CFAP299: variants seen among roughly 807,000 people sequenced by gnomAD.
CFAP299 encodes the protein cilia and flagella associated protein 299.
CFAP299 carries 21 observed loss-of-function variants against 27.0 expected under a neutral mutation model. The ratio of observed to expected loss-of-function variants is 0.78; its 90% CI spans 0.55 to 1.12. CFAP299 has a LOEUF of 1.12. CFAP299 is among the 50% of genes most tolerant of loss of function. CFAP299 has a pLI of 0.00. For synonymous variants in CFAP299, 104 were observed against 98.1 expected (o/e 1.06, Z -0.36); for missense variants, 310 against 276.6 (o/e 1.12, Z -0.86).
intron 3 of CFAP299, among the ~76,000 whole-genome samples, chr4:80,620,550 C>G (rs747836631): frequency 1.3e-5 from 2 of 152,106 alleles, no homozygotes; most frequent in African/African-American, 2.4e-5. Context: ...TGAACTTAAA[C>G]TATGTTTCAG....
intron 2 of CFAP299, among the ~76,000 whole-genome samples, chr4:80,402,007 C>T (rs1726187948): frequency 6.6e-6 from 1 of 152,030 alleles, no homozygotes; most frequent in Non-Finnish European, 1.5e-5. Flanking sequence ...TTGCACGGGC[C>T]CTGTAACCCC....
At chr4:80,864,896 C>T (rs1047670168) in intron 3 of CFAP299, among the ~76,000 whole-genome samples, 4 of 151,906 alleles carry the variant, frequency 2.6e-5, no homozygotes, top group Admixed American at 6.6e-5. Flanking sequence ...ATTATTATGC[C>T]CATTTTATTA....
At chr4:80,846,872 G>C (rs536932679) in intron 3 of CFAP299, among the ~76,000 whole-genome samples, 42 of 152,196 alleles carry the variant, frequency 2.8e-4, no homozygotes, top group Non-Finnish European at 5.0e-4. Context: ...GTGCCTATCT[G>C]CCCGCTACTG....
At chr4:80,672,747 C>T (rs1741570327) in intron 3 of CFAP299, among the ~76,000 whole-genome samples, 1 of 151,966 alleles carries the variant, frequency 6.6e-6, no homozygotes, top group African/African-American at 2.4e-5. Flanking sequence ...TGTATGTGTC[C>T]AAGAATTTAT....
chr4:80,592,152 G>A (rs1736821621), intron 3 of CFAP299, among the ~76,000 whole-genome samples: 1 of 152,172 alleles, frequency 6.6e-6, no homozygotes, highest in Admixed American at 6.5e-5. Context: ...TGGGGTGGGT[G>A]CAATAAAAGG....
At chr4:80,795,029 A>G (rs935678206) in intron 3 of CFAP299, among the ~76,000 whole-genome samples, 2 of 152,142 alleles carry the variant, frequency 1.3e-5, no homozygotes, top group East Asian at 1.9e-4. Flanking sequence ...TCATGGGCCC[A>G]TTGGGAGATG....
intron 2 of CFAP299, among the ~76,000 whole-genome samples, chr4:80,536,701 C>A (rs1409839948): frequency 6.6e-6 from 1 of 152,014 alleles, no homozygotes; most frequent in Non-Finnish European, 1.5e-5. Flanking sequence ...CATCATGTAA[C>A]AAAAATCAAC....
At chr4:80,933,166 C>T (rs200090975) in intron 4 of CFAP299, among the ~76,000 whole-genome samples, 1 of 134,560 alleles carries the variant, frequency 7.4e-6, no homozygotes, top group Non-Finnish European at 1.6e-5. Flanking sequence ...CTTTCCTTTC[C>T]TTTCTTTCTT....
intron 2 of CFAP299, among the ~76,000 whole-genome samples, chr4:80,535,002 AG>A (rs1733655035): frequency 6.6e-6 from 1 of 152,202 alleles, no homozygotes; most frequent in African/African-American, 2.4e-5. Flanking sequence ...GAATAATAAA[AG>A]TAATAAAGAT....
intron 2 of CFAP299, among the ~76,000 whole-genome samples, chr4:80,536,399 C>T (rs1733740964): frequency 6.6e-6 from 1 of 152,036 alleles, no homozygotes; most frequent in African/African-American, 2.4e-5. Flanking sequence ...ATATACGTAT[C>T]GTTTGAAAGC....
At chr4:80,926,913 G>A (rs756521171) in intron 4 of CFAP299, among the ~76,000 whole-genome samples, 14 of 151,928 alleles carry the variant, frequency 9.2e-5, no homozygotes, top group Non-Finnish European at 1.6e-4. Context: ...CTAGCTGGTC[G>A]AACAGCTGTA....
At chr4:80,713,155 A>G (rs1037864178) in intron 3 of CFAP299, among the ~76,000 whole-genome samples, 27 of 152,154 alleles carry the variant, frequency 1.8e-4, no homozygotes, top group African/African-American at 5.5e-4. Flanking sequence ...AAAAGTATGT[A>G]GGTGAGAGAT....
intron 3 of CFAP299, among the ~76,000 whole-genome samples, chr4:80,838,397 C>G (rs956212598): frequency 1.3e-5 from 2 of 152,016 alleles, no homozygotes; most frequent in Non-Finnish European, 2.9e-5. Context: ...GGTTTTAGGT[C>G]TTATGTTTAA....
intron 2 of CFAP299, chr4:80,387,527 G>C (rs1725081966): frequency 1.2e-5 from 10 of 861,174 alleles, no homozygotes; most frequent in Middle Eastern, 4.5e-4. Flanking sequence ...CTTGGTAGGG[G>C]CTGGCCCAAC....
intron 3 of CFAP299, among the ~76,000 whole-genome samples, chr4:80,615,803 C>T (rs1360462799): frequency 6.6e-6 from 1 of 152,142 alleles, no homozygotes; most frequent in Non-Finnish European, 1.5e-5. Context: ...CCTCTGCAAG[C>T]CCTTTCAGAG....
At chr4:80,355,443 C>T (rs1169056569) in intron 1 of CFAP299, among the ~76,000 whole-genome samples, 5 of 150,288 alleles carry the variant, frequency 3.3e-5, no homozygotes, top group South Asian at 2.1e-4. Context: ...CTGCAACCTC[C>T]GCCTCCCGGG....
intron 1 of CFAP299, among the ~76,000 whole-genome samples, chr4:80,360,384 A>G (rs906838615): frequency 6.6e-6 from 1 of 152,144 alleles, no homozygotes; most frequent in African/African-American, 2.4e-5. Context: ...GTACACGTCT[A>G]GGTGCCTTCT....
chr4:80,792,155 T>C (rs1398174658), intron 3 of CFAP299, among the ~76,000 whole-genome samples: 1 of 151,974 alleles, frequency 6.6e-6, no homozygotes, highest in Non-Finnish European at 1.5e-5. Context: ...AATAAAAAGT[T>C]AAAATAAAAT....
Position 80,381,467 on chromosome 4 carries a change from C to A in CFAP299, c.242+18583C>A. On this transcript the variant is annotated intron_variant, in intron 2 of 5. Transcript: ENST00000358105. Reference sequence around the variant, plus strand: ...GTCGCCCAGGTCGGACTGCGGACTGCAGTGGCGCAATCTCGGCTCACTGCA... The same window carrying A: ...GTCGCCCAGGTCGGACTGCGGACTGAAGTGGCGCAATCTCGGCTCACTGCA... 1.6e-3 allele frequency among the ~76,000 whole-genome samples: 2 copies of A among 1,242 alleles called. 1 individual carries two copies. Among genetic ancestry groups the A allele is most frequent in the African/African-American group, 1.7e-3 (2 of 1,200 alleles). The allele number at this position is 1,242 out of a possible 152,430, so 0.8% of individuals were successfully genotyped here.
Sources: gnomAD v4.1 joint callset for allele counts (sites outside exome capture counted in the v4.1 genomes callset) on GRCh38, gnomAD v4.1.1 for gene constraint, MANE v1.5 for transcripts, NCBI Gene and HGNC (gene_info 2026-07-23, HGNC 2026-07-21) for gene names.